The following TXNL1 variants were observed in gnomAD, a reference collection of about 807,000 sequenced individuals.
TXNL1 encodes the protein thioredoxin like 1, also known as thioredoxin-like protein 1.
In TXNL1, 14 loss-of-function variants were observed where a neutral mutation model predicts 35.5. The observed-to-expected ratio is 0.39, with a 90% CI of 0.26 to 0.62. The LOEUF (loss-of-function observed/expected upper bound fraction) is 0.62. TXNL1 is among the 20% of genes least tolerant of loss of function. The pLI, the probability that TXNL1 is intolerant of heterozygous loss-of-function variation, is 0.47. For missense variants in TXNL1, 263 were observed against 349.7 expected (o/e 0.75, Z 1.98); for synonymous variants, 110 against 115.5 (o/e 0.95, Z 0.31).
At chr18:56,636,999 A>T (rs2066415020) in intron 1 of TXNL1, among the ~76,000 whole-genome samples, 1 of 152,182 alleles carries the variant, frequency 6.6e-6, no homozygotes, top group South Asian at 2.1e-4. Context: ...CATTCCTTTT[A>T]GGTGTTTTAT....
intron 1 of TXNL1, among the ~76,000 whole-genome samples, chr18:56,632,933 C>A (rs1006212800): frequency 6.6e-6 from 1 of 152,118 alleles, no homozygotes; most frequent in Non-Finnish European, 1.5e-5. Context: ...CAATAAACTT[C>A]CTTCAGTTAT....
At chr18:56,608,172 C>T (rs2023933062) in intron 7 of TXNL1, 1 of 152,176 alleles carries the variant, frequency 6.6e-6, no homozygotes, top group Admixed American at 6.5e-5. Flanking sequence ...ATATTATTTC[C>T]TTCAATGAAA....
chr18:56,619,066 T>C (rs908076381), intron 3 of TXNL1, among the ~76,000 whole-genome samples: 2 of 151,316 alleles, frequency 1.3e-5, no homozygotes, highest in Non-Finnish European at 2.9e-5. Flanking sequence ...AAAAAAAAAT[T>C]AGCTGGGTGC....
intron 6 of TXNL1, among the ~76,000 whole-genome samples, chr18:56,612,680 C>T (rs1431933479): frequency 6.6e-6 from 1 of 152,080 alleles, no homozygotes; most frequent in Non-Finnish European, 1.5e-5. Context: ...TTAAAAACTG[C>T]CTCTCGTGAT....
rs2023767718 is a variant in TXNL1, at chr18:56,598,250, C to T, written c.*4777G>A. 6.6e-6 allele frequency: 1 copy of T among 152,220 alleles called. No individual in the cohort carries two copies. Among genetic ancestry groups the T allele is most frequent in the South Asian group, 2.1e-4 (1 of 4,820 alleles). The allele number at this position is 152,220 out of a possible 1,614,324, so 9.4% of individuals were successfully genotyped here. On this transcript the variant is annotated 3_prime_UTR_variant, in exon 8 of 8. Transcript: ENST00000217515. ...AGAAACCAAATAAACTGGCTTAATACTAGAGACAAAATACTTGTATTACAG... is the reference window on the plus strand; with the variant it reads ...AGAAACCAAATAAACTGGCTTAATATTAGAGACAAAATACTTGTATTACAG...
At chr18:56,610,493 A>C (rs1280268067) in intron 7 of TXNL1, 1 of 152,424 alleles carries the variant, frequency 6.6e-6, no homozygotes, top group Admixed American at 6.5e-5. Context: ...CCTGTTCATC[A>C]TTATTTGATG....
chr18:56,598,007 C>G lies in TXNL1; in HGVS notation c.*5020G>C, dbSNP rs537618334. 2.2e-4 allele frequency: 34 copies of G among 152,356 alleles called. No individual in the cohort carries two copies. Among genetic ancestry groups the G allele is most frequent in the African/African-American group, 7.9e-4 (33 of 41,582 alleles). The allele number at this position is 152,356 out of a possible 1,614,324, so 9.4% of individuals were successfully genotyped here. ...TTTCACATGGCAAGAGGAGCTTCACCTTACCGTCTCTACTTGCTCTTTCAG... is the reference window on the plus strand; with the variant it reads ...TTTCACATGGCAAGAGGAGCTTCACGTTACCGTCTCTACTTGCTCTTTCAG... On this transcript the variant is annotated 3_prime_UTR_variant, in exon 8 of 8. Coordinates refer to ENST00000217515, the MANE Select transcript of TXNL1 (RefSeq NM_004786.3).
chr18:56,610,250 A>G (rs2023968377), intron 7 of TXNL1: 1 of 152,298 alleles, frequency 6.6e-6, no homozygotes, highest in Non-Finnish European at 1.5e-5. Context: ...AACGCTCTGT[A>G]CTGATAAAGC....
At chr18:56,608,117 T>A (rs1382986524) in intron 7 of TXNL1, among the ~76,000 whole-genome samples, 1 of 152,176 alleles carries the variant, frequency 6.6e-6, no homozygotes, top group South Asian at 2.1e-4. Flanking sequence ...AAGGAGAGAC[T>A]ATTGTACTAG....
intron 1 of TXNL1, among the ~76,000 whole-genome samples, chr18:56,633,311 G>A (rs2024403607): frequency 6.6e-6 from 1 of 151,860 alleles, no homozygotes; most frequent in African/African-American, 2.4e-5. Context: ...GCCGGGCGTG[G>A]TGGCGGGCAC....
chr18:56,610,274 T>C (rs899985704), intron 7 of TXNL1: 1 of 152,312 alleles, frequency 6.6e-6, no homozygotes, highest in Non-Finnish European at 1.5e-5. Context: ...CAGTAGCACT[T>C]TGATAATCTC....
chr18:56,605,887 G>C (rs1401953745), intron 7 of TXNL1, among the ~76,000 whole-genome samples: 1 of 152,174 alleles, frequency 6.6e-6, no homozygotes, highest in Non-Finnish European at 1.5e-5. Context: ...AGTGACATAA[G>C]AAGTCAGTGA....
At chr18:56,613,893 T>G (rs1403367684) in intron 6 of TXNL1, among the ~76,000 whole-genome samples, 2 of 152,024 alleles carry the variant, frequency 1.3e-5, no homozygotes, top group Non-Finnish European at 2.9e-5. Context: ...TTAAGCCAGG[T>G]GCAGTGGTGC....
intron 3 of TXNL1, among the ~76,000 whole-genome samples, chr18:56,621,637 A>G (rs2024188508): frequency 6.6e-6 from 1 of 152,224 alleles, no homozygotes; most frequent in African/African-American, 2.4e-5. Flanking sequence ...AAATGTTGCT[A>G]CCTTTATAAT....
At chr18:56,618,616 AATC>A (rs995877070) in intron 3 of TXNL1, among the ~76,000 whole-genome samples, 7 of 152,062 alleles carry the variant, frequency 4.6e-5, no homozygotes, top group African/African-American at 1.7e-4. Flanking sequence ...CAGCTACAAT[AATC>A]ATCAACTGAA....
intron 3 of TXNL1, among the ~76,000 whole-genome samples, chr18:56,620,741 T>A (rs2024166517): frequency 6.6e-6 from 1 of 152,252 alleles, no homozygotes; most frequent in South Asian, 2.1e-4. Context: ...TTTTTAAAGA[T>A]ACAAATACAT....
At position 56,631,768 on chromosome 18, in the gene TXNL1, A is replaced by G. The variant is rs576274236; in HGVS notation, c.99-5311T>C. 2.6e-5 allele frequency among the ~76,000 whole-genome samples: 4 copies of G among 152,246 alleles called. No individual in the cohort carries two copies. The South Asian group carries it at 8.3e-4, about 32-fold the overall frequency. Reference sequence around the variant, plus strand: ...AACCCCCGTCTCTACTAAAAATACAAAATTAGCTGGGCCTAGTAACGCATG... The same window carrying G: ...AACCCCCGTCTCTACTAAAAATACAGAATTAGCTGGGCCTAGTAACGCATG... On this transcript the variant is annotated intron_variant, in intron 1 of 7. Coordinates refer to ENST00000217515, the MANE Select transcript of TXNL1 (RefSeq NM_004786.3).
At chr18:56,619,035 C>G (rs984955604) in intron 3 of TXNL1, among the ~76,000 whole-genome samples, 7 of 151,726 alleles carry the variant, frequency 4.6e-5, no homozygotes, top group African/African-American at 1.5e-4. Flanking sequence ...CATAGTGAGA[C>G]TTTGTCTCTA....
chr18:56,629,397 G>A (rs1394991795), intron 1 of TXNL1, among the ~76,000 whole-genome samples: 3 of 152,070 alleles, frequency 2.0e-5, no homozygotes, highest in East Asian at 3.9e-4. Flanking sequence ...GCATGGTGGC[G>A]CATGCCTGTA....
Sources: allele counts gnomAD v4.1 joint callset (sites outside exome capture counted in the v4.1 genomes callset), GRCh38; gene constraint gnomAD v4.1.1; transcripts MANE v1.5; gene names NCBI Gene and HGNC (gene_info 2026-07-23, HGNC 2026-07-21).